The following WFDC3 variants were observed in gnomAD, a reference collection of about 807,000 sequenced individuals.
WFDC3 encodes WAP four-disulfide core domain 3, also known as WAP four-disulfide core domain protein 3.
WFDC3 carries 15 observed loss-of-function variants against 25.8 expected under a neutral mutation model. The observed-to-expected ratio is 0.58, with a 90% CI of 0.39 to 0.89. WFDC3 has a LOEUF of 0.89. Among genes scored for constraint, WFDC3 ranks in the 40% least tolerant of loss-of-function variants. WFDC3 has a pLI of 0.00. For synonymous variants in WFDC3, 103 were observed against 107.1 expected, an observed-to-expected ratio of 0.96 and a Z score of 0.24; for missense variants, 264 against 289.8, an observed-to-expected ratio of 0.91 and a Z score of 0.65.
rs1980224438 is a variant in WFDC3, at chr20:45,777,115, G to A, written c.453C>T (p.Ser151=). ...ASCPQGHKCC[S]TGCGRTCLGD... ...CGAGGCAGGTGCGGCCACAGCCGGT[G>A]CTGCAGCATTTATGCCCCTGGGGAC... Residue 151 remains serine, a synonymous_variant, in exon 5 of 7, where the codon AGC becomes AGT. Transcript: ENST00000243938. 2.5e-6 allele frequency: 4 copies of A among 1,612,380 alleles called. No homozygotes were observed. The highest frequency in any genetic ancestry group is 1.3e-5 in the African/African-American group (1 of 74,722).
chr20:45,780,089 G>C (rs1354869839), intron 4 of WFDC3, among the ~76,000 whole-genome samples: 1 of 101,692 alleles, frequency 9.8e-6, no homozygotes, highest in African/African-American at 3.9e-5. Flanking sequence ...TTTTTTTTGA[G>C]ACAGGGTCTC....
At chr20:45,789,205 T>A (rs1980828190) in intron 2 of WFDC3, 146 bp from the exon 3 acceptor site, 3 of 784,514 alleles carry the variant, frequency 3.8e-6, no homozygotes, top group Non-Finnish European at 5.4e-6. Context: ...CCCTGTCTCT[T>A]AAAAAAAAAA....
intron 2 of WFDC3, 141 bp from the exon 3 acceptor site, chr20:45,789,200 T>C: frequency 1.8e-6 from 2 of 1,126,322 alleles, no homozygotes; most frequent in Non-Finnish European, 2.3e-6. Flanking sequence ...TGAGACCCTG[T>C]CTCTTAAAAA....
chr20:45,779,221 C>A (rs1177368384), intron 4 of WFDC3, among the ~76,000 whole-genome samples: 1 of 152,202 alleles, frequency 6.6e-6, no homozygotes, highest in Non-Finnish European at 1.5e-5. Context: ...ACTCATTCAT[C>A]TTAGTGTTTA....
chr20:45,776,711 T>C (rs1433280361), intron 5 of WFDC3, among the ~76,000 whole-genome samples: 1 of 149,630 alleles, frequency 6.7e-6, no homozygotes, highest in Non-Finnish European at 1.5e-5. Flanking sequence ...GGGAGAAGCT[T>C]TTTGTTAAAA....
At chr20:45,786,782 G>A (rs1980685049) in intron 4 of WFDC3, among the ~76,000 whole-genome samples, 2 of 152,074 alleles carry the variant, frequency 1.3e-5, no homozygotes, top group Non-Finnish European at 2.9e-5. Flanking sequence ...CGCCGTGTGT[G>A]TACATAGGGA....
intron 5 of WFDC3, among the ~76,000 whole-genome samples, chr20:45,776,278 C>CTCTGTGTGTGTGTGTGTGTGTGTGTG (rs1555812707): frequency 2.0e-5 from 2 of 101,952 alleles, no homozygotes; most frequent in Admixed American, 1.1e-4. Context: ...GCTTTTATCT[C>CTCTGTGTGTGTGTGTGTGTGTGTGTG]TGTGTGTGTG....
intron 6 of WFDC3, among the ~76,000 whole-genome samples, chr20:45,774,815 C>A (rs537786265): frequency 6.6e-6 from 1 of 151,934 alleles, no homozygotes; most frequent in East Asian, 1.9e-4. Context: ...TGATGGCAGG[C>A]GCCTGTAAAT....
chr20:45,775,036 C>T (rs879522350), intron 6 of WFDC3, among the ~76,000 whole-genome samples: 7 of 152,226 alleles, frequency 4.6e-5, no homozygotes, highest in Non-Finnish European at 7.4e-5. Context: ...ACATTCCCAC[C>T]CTGTGTTCCT....
intron 2 of WFDC3, 104 bp from the exon 3 acceptor site, chr20:45,789,163 C>T (rs1980826254): frequency 6.8e-7 from 1 of 1,469,366 alleles, no homozygotes; most frequent in East Asian, 2.4e-5. Context: ...ATTTCTGCAC[C>T]ACTGCACTCT....
In WFDC3 at chr20:45,774,263, A is replaced by G. The variant is rs1394329469; in HGVS notation, c.*165T>C. On this transcript the variant is annotated 3_prime_UTR_variant, in exon 7 of 7. Coordinates refer to ENST00000243938, the MANE Select transcript of WFDC3 (RefSeq NM_080614.2). ...AGAAGCACCACACACCCACTACCCA[A>G]TCCAGGGCTATTTCCCATGCTCTGG... is the stretch of plus-strand genomic sequence containing the variant. The G allele has an allele frequency of 3.3e-6, 3 of 915,636 alleles. No homozygotes were observed. The highest frequency in any genetic ancestry group is 5.2e-6 in the Non-Finnish European group (3 of 573,632). 56.7% of individuals were successfully genotyped at this position (915,636 alleles called of 1,614,324 possible).
rs1411803647 is a variant in WFDC3 at position 45,775,606 on chromosome 20, TG to T, written c.494-5del. ...TTTGGACAATCACCGCCCCGCCCTG[TG>T]GGAACAACAGGCACAGGAAAAGGGA... On this transcript the variant is annotated splice_region_variant and splice_polypyrimidine_tract_variant and intron_variant, in intron 5 of 6. Coordinates refer to ENST00000243938, the MANE Select transcript of WFDC3 (RefSeq NM_080614.2). 1 of 1,613,884 alleles carries T rather than the reference TG, an allele frequency of 6.2e-7. No individual in the cohort carries two copies.
intron 4 of WFDC3, among the ~76,000 whole-genome samples, chr20:45,781,819 T>C (rs1980457950): frequency 1.3e-5 from 2 of 152,138 alleles, no homozygotes; most frequent in Non-Finnish European, 2.9e-5. Context: ...GAACCACTCT[T>C]ATCAGTTAGA....
chr20:45,775,636 G>A (rs1980108258), intron 5 of WFDC3, 34 bp from the exon 6 acceptor site: 1 of 1,611,748 alleles, frequency 6.2e-7, no homozygotes, highest in Admixed American at 1.7e-5. Context: ...AAAGGGACAG[G>A]GCATCAGCTC....
chr20:45,789,939 G>T lies in WFDC3; in HGVS notation c.37C>A (p.Leu13Ile). The T allele has an allele frequency of 6.2e-7, 1 of 1,614,144 alleles. No individual in the cohort carries two copies. Among genetic ancestry groups the T allele is most frequent in the Non-Finnish European group, 8.5e-7 (1 of 1,180,014 alleles). The change falls in exon 2 of 7, where the codon CTT becomes ATT. Residue 13 changes from leucine (L) to isoleucine (I), a missense_variant. Leu to Ile is a conservative substitution (Grantham distance 5). Transcript: ENST00000243938. ...LSCLFLLKAL[L>I]ALGSLESWIT... The stretch of plus-strand genomic sequence containing the variant: ...CAGGATTCCAGAGACCCAAGAGCAA[G>T]AAGTGCCTTCAGAAGAAAGAGGCAG...
intron 5 of WFDC3, among the ~76,000 whole-genome samples, chr20:45,776,193 G>C (rs1980135988): frequency 6.6e-6 from 1 of 151,976 alleles, no homozygotes; most frequent in Admixed American, 6.6e-5. Flanking sequence ...CTTTAATGGA[G>C]ATCCACAGTG....
intron 4 of WFDC3, among the ~76,000 whole-genome samples, chr20:45,781,270 C>T (rs950325516): frequency 6.6e-6 from 1 of 150,460 alleles, no homozygotes; most frequent in East Asian, 2.0e-4. Context: ...TAGACACACA[C>T]ACACACACAT....
At chr20:45,780,607 G>A (rs1980399871) in intron 4 of WFDC3, among the ~76,000 whole-genome samples, 1 of 152,116 alleles carries the variant, frequency 6.6e-6, no homozygotes, top group Non-Finnish European at 1.5e-5. Flanking sequence ...CCAGAATGGG[G>A]ATGACGGTTC....
rs967209830 is a variant in WFDC3, at chr20:45,780,323, C to T, written c.359-3114G>A. On this transcript the variant is annotated intron_variant, in intron 4 of 6. Coordinates refer to ENST00000243938, the MANE Select transcript of WFDC3 (RefSeq NM_080614.2). The stretch of plus-strand genomic sequence containing the variant: ...ACCTTCTGGCCTCAAGCAATCCTCC[C>T]GCCTCAGCCTCCCAAAGTGCTGACG... 4.6e-5 allele frequency among the ~76,000 whole-genome samples: 7 copies of T among 152,138 alleles called. No homozygotes were observed. In the South Asian group the frequency reaches 6.2e-4, roughly 14 times the overall value.
Sources: gnomAD v4.1 joint callset for allele counts (sites outside exome capture counted in the v4.1 genomes callset) on GRCh38, gnomAD v4.1.1 for gene constraint, MANE v1.5 for transcripts, NCBI Gene and HGNC (gene_info 2026-07-23, HGNC 2026-07-21) for gene names.